Variants in AATF observed in about 807,000 individuals in gnomAD.
AATF encodes the protein apoptosis antagonizing transcription factor.
AATF carries 48 observed loss-of-function variants against 63.7 expected under a neutral mutation model. That is an observed-to-expected ratio of 0.75 (90% CI 0.60 to 0.96). The LOEUF is 0.96. Ranked by LOEUF, AATF falls within the 40% of genes least tolerant of loss-of-function variation. AATF has a pLI of 0.00. For synonymous variants in AATF, 258 were observed against 247.7 expected (o/e 1.04, Z -0.39); for missense variants, 639 against 685.7 (o/e 0.93, Z 0.76).
rs186001415 is a variant in AATF at position 37,047,471 on chromosome 17, C to T, written c.1620-9130C>T. On this transcript the variant is annotated intron_variant, in intron 11 of 11. Coordinates refer to ENST00000619387, the MANE Select transcript of AATF (RefSeq NM_012138.4). ...AGTGAGAAGAAAACCTGTCCACGTG[C>T]AGTCCCCTTCTCGCCCCCATCCCTC... Among the ~76,000 whole-genome samples, 7 of 152,282 alleles carry T rather than the reference C, an allele frequency of 4.6e-5. No individual in the cohort carries two copies. In the East Asian group the frequency reaches 1.2e-3, roughly 25 times the overall value.
intron 10 of AATF, among the ~76,000 whole-genome samples, chr17:37,027,735 G>A (rs182353348): frequency 6.8e-4 from 104 of 151,996 alleles, no homozygotes; most frequent in Non-Finnish European, 9.1e-4. Flanking sequence ...TCAGAATCTC[G>A]TTTGTATATT....
chr17:36,949,281 G>A (rs1226932242), intron 1 of AATF, 65 bp downstream of exon 1: 3 of 1,458,890 alleles, frequency 2.1e-6, no homozygotes, highest in Non-Finnish European at 9.2e-7. Context: ...GCAAGGGGGC[G>A]GCGTGGGAGG....
In AATF at chr17:36,956,105, AT is replaced by A. The variant is rs1457457388; in HGVS notation, c.832+2202del. ...ATCACTGCAGTGTTATTTAACTTTT[AT>A]TTTGTTCTGATCTTTTTACTCTTTT... On this transcript the variant is annotated intron_variant, in intron 4 of 11. Transcript: ENST00000619387. Among the ~76,000 whole-genome samples, 23 of 152,178 alleles carry A rather than the reference AT, an allele frequency of 1.5e-4. 1 individual carries two copies. The highest frequency in any genetic ancestry group is 5.3e-4 in the African/African-American group (22 of 41,518).
In AATF at chr17:37,002,201, C is replaced by CAA. The variant is rs34123922; in HGVS notation, c.1398+11363_1398+11364dup. Among the ~76,000 whole-genome samples the CAA allele has an allele frequency of 1.4e-3, 110 of 76,368 alleles. 1 individual carries two copies. Among genetic ancestry groups the CAA allele is most frequent in the African/African-American group, 4.0e-3 (94 of 23,436 alleles). 50.1% of individuals were successfully genotyped at this position (76,368 alleles called of 152,430 possible). A position where few individuals can be genotyped will look rare whatever the true frequency, so the allele number is the denominator to read the frequency against. On this transcript the variant is annotated intron_variant, in intron 8 of 11. Coordinates refer to ENST00000619387, the MANE Select transcript of AATF (RefSeq NM_012138.4). Reference sequence around the variant, plus strand: ...TGGGCAACAGAGGGAGACTCCGTCTCAAAAAAAAAAAAAAAAAAAATACTA... The same window carrying CAA: ...TGGGCAACAGAGGGAGACTCCGTCTCAAAAAAAAAAAAAAAAAAAAAATACTA...
intron 4 of AATF, among the ~76,000 whole-genome samples, chr17:36,954,282 G>C (rs1357717189): frequency 6.6e-6 from 1 of 151,704 alleles, no homozygotes; most frequent in South Asian, 2.1e-4. Context: ...GGGTCTCACT[G>C]TGTTGTCCAG....
intron 4 of AATF, among the ~76,000 whole-genome samples, chr17:36,955,429 G>A (rs1353455971): frequency 6.6e-6 from 1 of 152,116 alleles, no homozygotes; most frequent in Non-Finnish European, 1.5e-5. Flanking sequence ...GTGTGGGTGA[G>A]GTGGGCCATT....
At chr17:37,010,290 T>C (rs2142275800) in intron 8 of AATF, among the ~76,000 whole-genome samples, 1 of 152,020 alleles carries the variant, frequency 6.6e-6, no homozygotes, top group Non-Finnish European at 1.5e-5. Context: ...CTGTCCCTAC[T>C]AAAAATACAA....
intron 11 of AATF, chr17:37,043,183 C>A (rs1318051537): frequency 6.6e-6 from 1 of 152,240 alleles, no homozygotes; most frequent in Non-Finnish European, 1.5e-5. Flanking sequence ...AGCATAAAAC[C>A]CAGACTCTCA....
chr17:36,979,974 C>G (rs758943177), intron 4 of AATF, among the ~76,000 whole-genome samples: 4 of 152,020 alleles, frequency 2.6e-5, no homozygotes, highest in Non-Finnish European at 5.9e-5. Flanking sequence ...CTGTCCAATC[C>G]TAGTACAAGC....
intron 11 of AATF, among the ~76,000 whole-genome samples, chr17:37,049,274 A>G (rs2071724618): frequency 6.6e-6 from 1 of 152,114 alleles, no homozygotes; most frequent in Admixed American, 6.5e-5. Flanking sequence ...CAAGATTTCT[A>G]TTAAGCTGGT....
intron 11 of AATF, among the ~76,000 whole-genome samples, chr17:37,043,471 G>A (rs1381929973): frequency 6.6e-6 from 1 of 152,034 alleles, no homozygotes; most frequent in Admixed American, 6.5e-5. Context: ...AACCCATTCT[G>A]TTTGTTCCTC....
intron 4 of AATF, among the ~76,000 whole-genome samples, chr17:36,985,986 A>G (rs572708998): frequency 6.6e-6 from 1 of 152,350 alleles, no homozygotes; most frequent in Non-Finnish European, 1.5e-5. Flanking sequence ...TTAATATACA[A>G]TTCAATACTG....
chr17:37,031,432 T>C lies in AATF; in HGVS notation c.1548-182T>C, dbSNP rs60942262. On this transcript the variant is annotated intron_variant, in intron 10 of 11. Coordinates refer to ENST00000619387, the MANE Select transcript of AATF (RefSeq NM_012138.4). ...TGGAACCATTCCTCCACAGATACCA[T>C]GGGATGACTGTAGTTGGTCATCCCA... The C allele has an allele frequency of 5.1e-4, 317 of 619,868 alleles. 1 individual carries two copies. The African/African-American group carries it at 5.5e-3, about 11-fold the overall frequency. 38.4% of individuals were successfully genotyped at this position (619,868 alleles called of 1,614,324 possible).
chr17:37,005,255 G>A lies in AATF; in HGVS notation c.1399-13750G>A, dbSNP rs140287266. 1.4e-3 allele frequency among the ~76,000 whole-genome samples: 211 copies of A among 152,276 alleles called. 3 individuals are homozygous for A. Among genetic ancestry groups the A allele is most frequent in the East Asian group, 6.6e-3 (34 of 5,188 alleles). Reference sequence around the variant, plus strand: ...TCCCTAAGGGACTGTGGGTCTGTACGACAAAAGGATAGCTTGCAGGGGAGT... The same window carrying A: ...TCCCTAAGGGACTGTGGGTCTGTACAACAAAAGGATAGCTTGCAGGGGAGT... On this transcript the variant is annotated intron_variant, in intron 8 of 11. Coordinates refer to ENST00000619387, the MANE Select transcript of AATF (RefSeq NM_012138.4).
rs1405808182 is a variant in AATF, at chr17:36,989,334, A to G, written c.1237A>G (p.Lys413Glu). 1 of 1,614,002 alleles carries G rather than the reference A, an allele frequency of 6.2e-7. No individual in the cohort carries two copies. The highest frequency in any genetic ancestry group is 8.5e-7 in the Non-Finnish European group (1 of 1,180,010). Reference protein sequence around the residue: ...KERLLRRTQTKRSVYRVLGKP... With the variant: ...KERLLRRTQTERSVYRVLGKP... ...GAGATTACTTCGAAGGACACAGACC[A>G]AGCGCTCTGTCTATCGAGTTCTTGG... The change falls in exon 7 of 12, where the codon AAG becomes GAG. Residue 413 changes from lysine (K) to glutamate (E), a missense_variant. Coordinates refer to ENST00000619387, the MANE Select transcript of AATF (RefSeq NM_012138.4).
chr17:36,987,022 C>G (rs1490967659), intron 5 of AATF, among the ~76,000 whole-genome samples: 2 of 152,176 alleles, frequency 1.3e-5, no homozygotes, highest in Non-Finnish European at 2.9e-5. Flanking sequence ...GGGTCTTACA[C>G]TGTCATCCAG....
chr17:37,006,058 G>C (rs543263701), intron 8 of AATF, among the ~76,000 whole-genome samples: 24 of 152,200 alleles, frequency 1.6e-4, no homozygotes, highest in African/African-American at 5.5e-4. Context: ...TCACTTGAGC[G>C]CAGGACCTCA....
chr17:37,049,330 C>T (rs566147716), intron 11 of AATF, among the ~76,000 whole-genome samples: 3 of 152,208 alleles, frequency 2.0e-5, no homozygotes, highest in Admixed American at 6.5e-5. Flanking sequence ...AAGCCGGGCG[C>T]GGTGGCTCAC....
intron 11 of AATF, among the ~76,000 whole-genome samples, chr17:37,036,404 A>G (rs1376378396): frequency 6.6e-6 from 1 of 152,122 alleles, no homozygotes; most frequent in East Asian, 1.9e-4. Context: ...TAAGGGAGAG[A>G]GAGAGATCTT....
Sources: gnomAD v4.1 joint callset for allele counts (sites outside exome capture counted in the v4.1 genomes callset) on GRCh38, gnomAD v4.1.1 for gene constraint, MANE v1.5 for transcripts, NCBI Gene and HGNC (gene_info 2026-07-23, HGNC 2026-07-21) for gene names.